The following KCNIP4 variants were observed in gnomAD, a reference collection of about 807,000 sequenced individuals.
The protein encoded by KCNIP4 is Kv channel-interacting protein 4.
Under a neutral mutation model 34.0 loss-of-function variants are expected in KCNIP4, and 12 were observed. The observed-to-expected ratio is 0.35, with a 90% CI of 0.23 to 0.57. The LOEUF (loss-of-function observed/expected upper bound fraction) is 0.57, where lower values mean the gene tolerates loss of function less well. Ranked by LOEUF, KCNIP4 falls within the 20% of genes least tolerant of loss-of-function variation. The probability of loss-of-function intolerance (pLI) is 0.83; values close to 1 mark genes in which losing one functional copy is unlikely to be tolerated. For missense variants in KCNIP4, 238 were observed against 311.7 expected (o/e 0.76, Z 1.78); for synonymous variants, 124 against 102.2 (o/e 1.21, Z -1.29).
chr4:21,039,054 T>C (rs912457266), intron 1 of KCNIP4, among the ~76,000 whole-genome samples: 6 of 152,148 alleles, frequency 3.9e-5, no homozygotes, highest in Admixed American at 3.3e-4. Context: ...GGGATAGCTA[T>C]ATCCTTGGCA....
chr4:21,039,213 T>G (rs1377368381), intron 1 of KCNIP4, among the ~76,000 whole-genome samples: 1 of 151,712 alleles, frequency 6.6e-6, no homozygotes, highest in Non-Finnish European at 1.5e-5. Context: ...TACAAAAAAA[T>G]TAGCTGGACA....
chr4:21,752,468 A>AC (rs982649823), intron 1 of KCNIP4, among the ~76,000 whole-genome samples: 1 of 151,840 alleles, frequency 6.6e-6, no homozygotes, highest in Non-Finnish European at 1.5e-5. Flanking sequence ...GGGGCACACT[A>AC]CCCCCGTAAT....
At chr4:21,082,901 A>ATCTT (rs1746125209) in intron 1 of KCNIP4, among the ~76,000 whole-genome samples, 1 of 151,570 alleles carries the variant, frequency 6.6e-6, no homozygotes, top group Non-Finnish European at 1.5e-5. Flanking sequence ...CTATCTATCT[A>ATCTT]TCTATCTATC....
intron 1 of KCNIP4, among the ~76,000 whole-genome samples, chr4:21,211,545 A>T (rs542016368): frequency 1.3e-5 from 2 of 152,212 alleles, no homozygotes; most frequent in South Asian, 4.1e-4. Context: ...TTTCATTCCA[A>T]AACCATCCCT....
intron 1 of KCNIP4, among the ~76,000 whole-genome samples, chr4:21,508,208 T>G (rs1734012618): frequency 6.6e-6 from 1 of 152,004 alleles, no homozygotes; most frequent in African/African-American, 2.4e-5. Context: ...TGTATTTACT[T>G]TCTCATCAAT....
intron 1 of KCNIP4, among the ~76,000 whole-genome samples, chr4:21,017,502 C>G (rs568074381): frequency 2.6e-5 from 4 of 152,300 alleles, no homozygotes; most frequent in Non-Finnish European, 5.9e-5. Flanking sequence ...CCATCCATGT[C>G]CCTGCAAATA....
chr4:21,490,028 G>T (rs1421874209), intron 1 of KCNIP4, among the ~76,000 whole-genome samples: 8 of 152,192 alleles, frequency 5.3e-5, no homozygotes, highest in Admixed American at 2.0e-4. Context: ...GAGAACAAAG[G>T]ATATGTGGAA....
chr4:21,752,324 A>C (rs1212671442), intron 1 of KCNIP4, among the ~76,000 whole-genome samples: 1 of 152,146 alleles, frequency 6.6e-6, no homozygotes, highest in Non-Finnish European at 1.5e-5. Context: ...TCATGGTGAA[A>C]GGCAAAGGGC....
At chr4:21,769,277 C>T (rs1394516911) in intron 1 of KCNIP4, among the ~76,000 whole-genome samples, 1 of 151,970 alleles carries the variant, frequency 6.6e-6, no homozygotes, top group Non-Finnish European at 1.5e-5. Context: ...TATCTATTAA[C>T]CGTTTCTATT....
intron 1 of KCNIP4, among the ~76,000 whole-genome samples, chr4:21,773,790 C>T (rs1238776955): frequency 2.2e-5 from 3 of 137,380 alleles, no homozygotes; most frequent in African/African-American, 3.2e-5. Context: ...TTACCATTTG[C>T]TTCATAAATT....
At chr4:20,824,164 G>A (rs949355770) in intron 3 of KCNIP4, among the ~76,000 whole-genome samples, 7 of 152,200 alleles carry the variant, frequency 4.6e-5, no homozygotes, top group Non-Finnish European at 1.0e-4. Flanking sequence ...ATGTGCCTAA[G>A]TGTCTAGCAC....
intron 3 of KCNIP4, among the ~76,000 whole-genome samples, chr4:20,764,204 A>T (rs942545012): frequency 2.0e-5 from 3 of 152,162 alleles, no homozygotes; most frequent in African/African-American, 7.2e-5. Flanking sequence ...AAATTAAAGA[A>T]AATGAAAATC....
At chr4:21,382,978 G>A (rs892574823) in intron 1 of KCNIP4, among the ~76,000 whole-genome samples, 1 of 152,162 alleles carries the variant, frequency 6.6e-6, no homozygotes, top group Non-Finnish European at 1.5e-5. Context: ...TTTGGAGACA[G>A]AGCATTTAAA....
chr4:21,235,471 G>T (rs1433294895), intron 1 of KCNIP4, among the ~76,000 whole-genome samples: 1 of 152,062 alleles, frequency 6.6e-6, no homozygotes. Context: ...AGGCTTTCTT[G>T]TGTCTACAAT....
intron 1 of KCNIP4, among the ~76,000 whole-genome samples, chr4:21,508,585 G>A (rs1009637467): frequency 2.0e-5 from 3 of 152,124 alleles, no homozygotes; most frequent in African/African-American, 4.8e-5. Context: ...TCCCACTGTT[G>A]GTTGAAGCTA....
chr4:21,034,215 C>G (rs1397308547), intron 1 of KCNIP4, among the ~76,000 whole-genome samples: 1 of 152,110 alleles, frequency 6.6e-6, no homozygotes, highest in Non-Finnish European at 1.5e-5. Context: ...TTCCTTCCCC[C>G]TAAACCCTAG....
intron 1 of KCNIP4, among the ~76,000 whole-genome samples, chr4:21,140,938 G>A (rs969338786): frequency 1.6e-4 from 24 of 152,314 alleles, no homozygotes; most frequent in Admixed American, 1.6e-3. Context: ...ATCTGGGACA[G>A]TCACTTATTG....
chr4:21,516,679 AAG>A (rs1734791938), intron 1 of KCNIP4, among the ~76,000 whole-genome samples: 1 of 152,158 alleles, frequency 6.6e-6, no homozygotes, highest in Non-Finnish European at 1.5e-5. Context: ...TGTGTCTGGG[AAG>A]AGTTTTCGAA....
Position 20,730,139 on chromosome 4 carries a change from A to G in KCNIP4, c.706-10T>C. Reference sequence around the variant, plus strand: ...GCATTATGTTTTCATCCTGTAAGGGAGAAACACAGAGCGATTAAATTCAGC... The same window carrying G: ...GCATTATGTTTTCATCCTGTAAGGGGGAAACACAGAGCGATTAAATTCAGC... On this transcript the variant is annotated splice_polypyrimidine_tract_variant and intron_variant, in intron 8 of 8. Coordinates refer to ENST00000382152, the MANE Select transcript of KCNIP4 (RefSeq NM_025221.6). The G allele has an allele frequency of 3.1e-6, 5 of 1,602,516 alleles. No individual in the cohort carries two copies. Among genetic ancestry groups the G allele is most frequent in the African/African-American group, 1.3e-5 (1 of 74,606 alleles).
Sources: allele counts gnomAD v4.1 joint callset (sites outside exome capture counted in the v4.1 genomes callset), GRCh38; gene constraint gnomAD v4.1.1; transcripts MANE v1.5; gene names NCBI Gene and HGNC (gene_info 2026-07-23, HGNC 2026-07-21).